The following METTL4 variants were observed in gnomAD, a reference collection of about 807,000 sequenced individuals.
The protein encoded by METTL4 is N(6)-adenine-specific methyltransferase METTL4.
Under a neutral mutation model 54.0 loss-of-function variants are expected in METTL4, and 40 were observed. That is an observed-to-expected ratio of 0.74 (90% CI 0.58 to 0.96). The LOEUF is 0.96. METTL4 is among the 50% of genes least tolerant of loss of function. The pLI, the probability that METTL4 is intolerant of heterozygous loss-of-function variation, is 0.00. For synonymous variants in METTL4, 169 were observed against 183.8 expected (o/e 0.92, Z 0.65); for missense variants, 525 against 549.0 (o/e 0.96, Z 0.44).
rs1485202040 is a variant in METTL4 at position 2,554,954 on chromosome 18, G to C, written c.544C>G (p.Gln182Glu). The change falls in exon 4 of 9, where the codon CAG becomes GAG. Residue 182 changes from glutamine (Q) to glutamate (E), a missense_variant. Gln to Glu is a conservative substitution (Grantham distance 29). Transcript: ENST00000574538. ...GTAATGGGCTTACTACCCTTGTCCT[G>C]TTTTTCAAAAAGTGGATAAAGAAAA... ...SGFLYPLFEK[Q>E]DKGSKPITLP... The C allele has an allele frequency of 1.9e-6, 3 of 1,613,980 alleles. No individual in the cohort carries two copies. In the South Asian group the frequency reaches 3.3e-5, roughly 18 times the overall value.
At chr18:2,555,986 T>C (rs2072233691) in intron 3 of METTL4, among the ~76,000 whole-genome samples, 1 of 152,074 alleles carries the variant, frequency 6.6e-6, no homozygotes. Context: ...AGTCCAATAG[T>C]CTCTCTGAGT....
intron 3 of METTL4, among the ~76,000 whole-genome samples, chr18:2,557,384 T>C (rs1419862265): frequency 1.3e-5 from 2 of 152,196 alleles, no homozygotes; most frequent in African/African-American, 4.8e-5. Context: ...ACCACTCAGA[T>C]GGGAACACCT....
At position 2,550,936 on chromosome 18, in the gene METTL4, G is replaced by A. The variant is rs552483729; in HGVS notation, c.899+1759C>T. ...TCCCAGCACTTTGGGAGGCCGAGGCGGGCGGATCACGAGGTCAGGAGATCG... is the reference window on the plus strand; with the variant it reads ...TCCCAGCACTTTGGGAGGCCGAGGCAGGCGGATCACGAGGTCAGGAGATCG... On this transcript the variant is annotated intron_variant, in intron 5 of 8. Coordinates refer to ENST00000574538, the MANE Select transcript of METTL4 (RefSeq NM_022840.5). Among the ~76,000 whole-genome samples the A allele has an allele frequency of 8.4e-4, 128 of 151,688 alleles. 1 individual carries two copies. The highest frequency in any genetic ancestry group is 2.9e-3 in the East Asian group (15 of 5,174).
intron 1 of METTL4, chr18:2,569,191 T>A (rs1300222679): frequency 6.5e-6 from 1 of 152,854 alleles, no homozygotes; most frequent in Non-Finnish European, 1.5e-5. Flanking sequence ...TTTTCAACAG[T>A]AGTAAATTTT....
At chr18:2,546,404 T>C (rs1429030253) in intron 6 of METTL4, among the ~76,000 whole-genome samples, 1 of 152,118 alleles carries the variant, frequency 6.6e-6, no homozygotes, top group African/African-American at 2.4e-5. Flanking sequence ...TATGTATGTA[T>C]ACAAAAAAAA....
chr18:2,568,714 T>A (rs975943760), intron 1 of METTL4: 1 of 144,720 alleles, frequency 6.9e-6, no homozygotes, highest in African/African-American at 2.6e-5. Flanking sequence ...ACTGCACTAC[T>A]GCACTCCAGC....
rs1371130219 is a variant in METTL4, at chr18:2,537,623, TACTC to T, written c.*1373_*1376del. 2 of 351,714 alleles carry T rather than the reference TACTC, an allele frequency of 5.7e-6. No homozygotes were observed. Among genetic ancestry groups the T allele is most frequent in the Non-Finnish European group, 1.0e-5 (2 of 197,470 alleles). The allele number at this position is 351,714 out of a possible 1,614,324, so 21.8% of individuals were successfully genotyped here. On this transcript the variant is annotated 3_prime_UTR_variant, in exon 9 of 9. Coordinates refer to ENST00000574538, the MANE Select transcript of METTL4 (RefSeq NM_022840.5). ...ATACAAAATTAAGCCTCTGATACTATACTCACACACTCAAAGGATGAACAAACTT... is the reference window on the plus strand; with the variant it reads ...ATACAAAATTAAGCCTCTGATACTATACACACTCAAAGGATGAACAAACTT...
chr18:2,566,046 C>CAAAAAA (rs143395336), intron 2 of METTL4, among the ~76,000 whole-genome samples: 2 of 82,870 alleles, frequency 2.4e-5, no homozygotes, highest in Non-Finnish European at 5.1e-5. Context: ...GACTCTGTCT[C>CAAAAAA]AAATAAATAA....
chr18:2,570,837 C>T (rs1231946242), intron 1 of METTL4, among the ~76,000 whole-genome samples: 1 of 152,218 alleles, frequency 6.6e-6, no homozygotes, highest in Non-Finnish European at 1.5e-5. Flanking sequence ...TTCATCACCA[C>T]CACTCTCCAG....
chr18:2,552,191 C>CAAAATAAAATAAAATAAAAT lies in METTL4; in HGVS notation c.899+484_899+503dup, dbSNP rs553206325. Among the ~76,000 whole-genome samples, 1,062 of 149,630 alleles carry CAAAATAAAATAAAATAAAAT rather than the reference C, an allele frequency of 7.1e-3. 11 individuals are homozygous for CAAAATAAAATAAAATAAAAT. Among genetic ancestry groups the CAAAATAAAATAAAATAAAAT allele is most frequent in the African/African-American group, 0.024 (946 of 40,174 alleles). ...CTGGTAACGGAGTGAGACTCCATCT[C>CAAAATAAAATAAAATAAAAT]AAAATAAAATAAAATAAAATAAAAT... is the stretch of plus-strand genomic sequence containing the variant. On this transcript the variant is annotated intron_variant, in intron 5 of 8. Transcript: ENST00000574538.
rs2072430048 is a variant in METTL4 at position 2,567,030 on chromosome 18, T to C, written c.187A>G (p.Ile63Val). The change falls in exon 2 of 9, where the codon ATT (isoleucine) becomes GTT (valine). Residue 63 changes from isoleucine (I) to valine (V), a missense_variant. Coordinates refer to ENST00000574538, the MANE Select transcript of METTL4 (RefSeq NM_022840.5). ...GGCTTAGTGGAAGAGTCAGAAGCAA[T>C]AAATGCAGCACAGACTCCAGAGGAG... is the stretch of plus-strand genomic sequence containing the variant. ...VSSSGVCAAF[I>V]ASDSSTKPEN... 2 of 1,614,064 alleles carry C rather than the reference T, an allele frequency of 1.2e-6. No individual in the cohort carries two copies. Among genetic ancestry groups the C allele is most frequent in the East Asian group, 4.5e-5 (2 of 44,868 alleles).
At chr18:2,540,156 A>T in intron 8 of METTL4, 2 of 985,322 alleles carry the variant, frequency 2.0e-6, no homozygotes, top group Non-Finnish European at 2.4e-6. Flanking sequence ...GCTGTTGTCT[A>T]CACTAAAAGA....
intron 5 of METTL4, among the ~76,000 whole-genome samples, chr18:2,549,274 T>A (rs1164486298): frequency 6.6e-6 from 1 of 152,186 alleles, no homozygotes; most frequent in African/African-American, 2.4e-5. Flanking sequence ...ATACCAATTA[T>A]CCCCTCCTTC....
intron 1 of METTL4, chr18:2,569,209 C>T (rs1415811571): frequency 6.5e-6 from 1 of 152,734 alleles, no homozygotes; most frequent in Non-Finnish European, 1.5e-5. Context: ...TTTCTAGATA[C>T]ATCTTGTAGA....
chr18:2,570,605 A>G (rs753680149), intron 1 of METTL4, among the ~76,000 whole-genome samples: 8 of 152,168 alleles, frequency 5.3e-5, no homozygotes, highest in Non-Finnish European at 8.8e-5. Flanking sequence ...CCTAATTTTC[A>G]TATAATTTTT....
At chr18:2,544,802 C>T in intron 6 of METTL4, 43 bp from the exon 7 acceptor site, 1 of 1,267,568 alleles carries the variant, frequency 7.9e-7, no homozygotes, top group South Asian at 1.2e-5. Flanking sequence ...TTTTTCCCAT[C>T]ACTATAGAGC....
At chr18:2,540,524 T>C (rs1598339882) in intron 8 of METTL4, 1 of 985,400 alleles carries the variant, frequency 1.0e-6, no homozygotes, top group East Asian at 1.1e-4. Context: ...ACTGGTCCTG[T>C]TTAGCAAAAA....
intron 2 of METTL4, 42 bp from the exon 3 acceptor site, chr18:2,563,901 T>A (rs771869790): frequency 6.8e-7 from 1 of 1,481,152 alleles, no homozygotes; most frequent in South Asian, 1.2e-5. Flanking sequence ...TATGTTGCCA[T>A]TAATATTTTG....
chr18:2,550,692 C>T (rs554779524), intron 5 of METTL4, among the ~76,000 whole-genome samples: 5 of 152,246 alleles, frequency 3.3e-5, no homozygotes, highest in African/African-American at 1.2e-4. Flanking sequence ...TTCATAGTTA[C>T]AATTTCTCAG....
Sources: gnomAD v4.1 joint callset for allele counts (sites outside exome capture counted in the v4.1 genomes callset) on GRCh38, gnomAD v4.1.1 for gene constraint, MANE v1.5 for transcripts, NCBI Gene and HGNC (gene_info 2026-07-23, HGNC 2026-07-21) for gene names.